DNAH14: variants seen among roughly 807,000 people sequenced by gnomAD.
The protein encoded by DNAH14 is axonemal beta dynein heavy chain 14.
DNAH14 carries 478 observed loss-of-function variants against 520.9 expected under a neutral mutation model. That is an observed-to-expected ratio of 0.92 (90% CI 0.85 to 0.99). The LOEUF (loss-of-function observed/expected upper bound fraction) is 0.99, where lower values mean the gene tolerates loss of function less well. Among genes scored for constraint, DNAH14 ranks in the 50% least tolerant of loss-of-function variants. The probability of loss-of-function intolerance (pLI) is 0.00; values close to 1 mark genes in which losing one functional copy is unlikely to be tolerated. For missense variants in DNAH14, 4,831 were observed against 5,234.5 expected, an observed-to-expected ratio of 0.92 and a Z score of 2.38; for synonymous variants, 1,581 against 1,757.2, an observed-to-expected ratio of 0.90 and a Z score of 2.51.
intron 41 of DNAH14, among the ~76,000 whole-genome samples, chr1:225,212,559 C>T (rs1374328926): frequency 6.6e-6 from 1 of 152,184 alleles, no homozygotes; most frequent in South Asian, 2.1e-4. Context: ...ACATCCTCTC[C>T]AGCACCTGTT....
At chr1:225,356,832 C>T (rs2095434854) in intron 73 of DNAH14, among the ~76,000 whole-genome samples, 1 of 152,144 alleles carries the variant, frequency 6.6e-6, no homozygotes, top group Non-Finnish European at 1.5e-5. Flanking sequence ...AATAACTAGA[C>T]TTTAAACCCA....
intron 66 of DNAH14, among the ~76,000 whole-genome samples, chr1:225,334,036 C>G (rs1283267889): frequency 6.6e-6 from 1 of 152,094 alleles, no homozygotes; most frequent in Non-Finnish European, 1.5e-5. Flanking sequence ...CCTACAAAAT[C>G]TTAGAAACAA....
intron 73 of DNAH14, chr1:225,354,106 T>G (rs2095403671): frequency 1.4e-6 from 1 of 704,308 alleles, no homozygotes; most frequent in Admixed American, 2.0e-5. Context: ...CTCTGTCCCC[T>G]CATTTATTCT....
chr1:224,975,436 C>A (rs2061754808), intron 8 of DNAH14, among the ~76,000 whole-genome samples: 1 of 152,018 alleles, frequency 6.6e-6, no homozygotes, highest in Non-Finnish European at 1.5e-5. Context: ...GATTCAACTT[C>A]TTCCTGGTTT....
At chr1:225,089,442 CA>C (rs1169182387) in intron 21 of DNAH14, among the ~76,000 whole-genome samples, 149 of 29,896 alleles carry the variant, frequency 5.0e-3, no homozygotes, top group South Asian at 0.013. Flanking sequence ...AAAACTCCGT[CA>C]AAAAAAAAAA....
At position 225,055,242 on chromosome 1, in the gene DNAH14, G is replaced by A. The variant is rs187319371; in HGVS notation, c.2424+3447G>A. ...CCAGTAAAATGAGATCTCAAGAATG[G>A]TGTCGTTTTCTAATTCTCCCCTTCT... On this transcript the variant is annotated intron_variant, in intron 17 of 85. Transcript: ENST00000682510. Among the ~76,000 whole-genome samples, 216 of 152,234 alleles carry A rather than the reference G, an allele frequency of 1.4e-3. 1 individual carries two copies. The highest frequency in any genetic ancestry group is 5.1e-3 in the African/African-American group (213 of 41,548).
intron 38 of DNAH14, among the ~76,000 whole-genome samples, chr1:225,199,028 T>C (rs964331474): frequency 2.0e-5 from 3 of 152,200 alleles, no homozygotes; most frequent in Non-Finnish European, 4.4e-5. Context: ...ATGTTTGTTA[T>C]TGGTCTATAC....
In DNAH14 at chr1:225,350,498, A is replaced by C. The variant is rs540830174; in HGVS notation, c.11297-1149A>C. The stretch of plus-strand genomic sequence containing the variant: ...TTTTGAAAAGATCAATAAAATTTGC[A>C]AACCTTGAGCTCAGTTAACTAAGAA... On this transcript the variant is annotated intron_variant, in intron 71 of 85. Coordinates refer to ENST00000682510, the MANE Select transcript of DNAH14 (RefSeq NM_001367479.1). Among the ~76,000 whole-genome samples the C allele has an allele frequency of 2.6e-5, 4 of 152,156 alleles. No homozygotes were observed. In the East Asian group the frequency reaches 7.7e-4, roughly 29 times the overall value.
intron 21 of DNAH14, among the ~76,000 whole-genome samples, chr1:225,089,863 A>C (rs561127438): frequency 6.6e-6 from 1 of 152,314 alleles, no homozygotes; most frequent in African/African-American, 2.4e-5. Context: ...TTTTGTCCTT[A>C]ATAGTGAAAG....
chr1:225,118,681 G>A (rs2077053036), intron 25 of DNAH14, among the ~76,000 whole-genome samples: 1 of 152,074 alleles, frequency 6.6e-6, no homozygotes, highest in African/African-American at 2.4e-5. Context: ...TCAGGAGTTT[G>A]AGACCAGCCT....
chr1:225,238,540 C>T (rs1008939378), intron 42 of DNAH14, among the ~76,000 whole-genome samples: 3 of 152,140 alleles, frequency 2.0e-5, no homozygotes, highest in African/African-American at 4.8e-5. Flanking sequence ...CCTGAACGCT[C>T]CTATAGGAGG....
Position 225,124,586 on chromosome 1 carries a change from G to A in DNAH14, c.4254+972G>A, listed in dbSNP as rs114460947. On this transcript the variant is annotated intron_variant, in intron 27 of 85. Coordinates refer to ENST00000682510, the MANE Select transcript of DNAH14 (RefSeq NM_001367479.1). Reference sequence around the variant, plus strand: ...TTTTCATGAGATTGCAGCAAATTCCGTCACATCTTCAGGCTCCACTTTTAA... The same window carrying A: ...TTTTCATGAGATTGCAGCAAATTCCATCACATCTTCAGGCTCCACTTTTAA... 3.5e-3 allele frequency among the ~76,000 whole-genome samples: 536 copies of A among 152,250 alleles called. 3 individuals are homozygous for A. The highest frequency in any genetic ancestry group is 0.012 in the African/African-American group (487 of 41,564).
At chr1:225,177,171 T>C (rs905307583) in intron 36 of DNAH14, among the ~76,000 whole-genome samples, 5 of 152,158 alleles carry the variant, frequency 3.3e-5, no homozygotes, top group Non-Finnish European at 7.4e-5. Flanking sequence ...TCTTGTTAAG[T>C]TTTAACAAAG....
intron 3 of DNAH14, 110 bp downstream of exon 3, chr1:224,955,208 A>G (rs548547159): frequency 7.6e-6 from 9 of 1,176,472 alleles, no homozygotes; most frequent in East Asian, 2.4e-5. Flanking sequence ...ACATATTGAA[A>G]TATTAGTGTC....
chr1:224,973,268 A>G (rs74699857), intron 7 of DNAH14, among the ~76,000 whole-genome samples: 8,013 of 152,150 alleles, frequency 0.053, 323 homozygotes, highest in Non-Finnish European at 0.078. Context: ...CATCACTAGG[A>G]TTGGCTGTTT....
intron 23 of DNAH14, among the ~76,000 whole-genome samples, chr1:225,110,583 G>C (rs895136201): frequency 6.6e-6 from 1 of 150,552 alleles, no homozygotes; most frequent in Non-Finnish European, 1.5e-5. Context: ...TCTTAGTCTG[G>C]CTAAAGGTTT....
At chr1:224,991,084 CTTTTTTTTTTTT>C (rs1197927461) in intron 8 of DNAH14, among the ~76,000 whole-genome samples, 37 of 77,902 alleles carry the variant, frequency 4.7e-4, no homozygotes, top group African/African-American at 1.2e-3. Context: ...TGATGTTGAG[CTTTTTTTTTTTT>C]TTTTTTTTTT....
intron 77 of DNAH14, among the ~76,000 whole-genome samples, chr1:225,372,075 G>A (rs898028658): frequency 2.0e-5 from 3 of 152,124 alleles, no homozygotes; most frequent in East Asian, 3.8e-4. Context: ...GTGGAGGTCC[G>A]ATTCCACAGT....
intron 37 of DNAH14, among the ~76,000 whole-genome samples, chr1:225,187,232 T>A (rs997418073): frequency 4.6e-5 from 7 of 151,818 alleles, no homozygotes; most frequent in Admixed American, 4.6e-4. Context: ...CACAATGTTA[T>A]GCAATTACTA....
Sources: allele counts gnomAD v4.1 joint callset (sites outside exome capture counted in the v4.1 genomes callset), GRCh38; gene constraint gnomAD v4.1.1; transcripts MANE v1.5; gene names NCBI Gene and HGNC (gene_info 2026-07-23, HGNC 2026-07-21).